Variants in ABHD3 observed in about 807,000 individuals in gnomAD.
ABHD3 encodes the protein phospholipase ABHD3.
Under a neutral mutation model 48.8 loss-of-function variants are expected in ABHD3, and 46 were observed. The ratio of observed to expected loss-of-function variants is 0.94; its 90% confidence interval spans 0.74 to 1.20. The LOEUF is 1.20. Ranked by LOEUF, ABHD3 falls within the 50% of genes most tolerant of loss-of-function variation. The pLI, the probability that ABHD3 is intolerant of heterozygous loss-of-function variation, is 0.00. For synonymous variants in ABHD3, 192 were observed against 183.7 expected (o/e 1.04, Z -0.36); for missense variants, 490 against 497.8 (o/e 0.98, Z 0.15).
chr18:21,674,021 G>GT (rs1463030372), intron 4 of ABHD3, among the ~76,000 whole-genome samples: 2 of 152,244 alleles, frequency 1.3e-5, no homozygotes, highest in Non-Finnish European at 2.9e-5. Flanking sequence ...TGCTGCAGTG[G>GT]TAAGAATGGT....
intron 1 of ABHD3, chr18:21,703,963 T>C (rs2146345094): frequency 1.8e-6 from 1 of 550,232 alleles, no homozygotes. Flanking sequence ...AGGGAGTTTG[T>C]TTGTTTTTAA....
At chr18:21,670,396 C>T (rs1046686155) in intron 4 of ABHD3, among the ~76,000 whole-genome samples, 16 of 152,154 alleles carry the variant, frequency 1.1e-4, no homozygotes, top group Non-Finnish European at 2.1e-4. Context: ...CATAATCCTA[C>T]ATCATTAATC....
chr18:21,666,111 T>C (rs1321867406), intron 4 of ABHD3, among the ~76,000 whole-genome samples: 1 of 152,088 alleles, frequency 6.6e-6, no homozygotes, highest in Non-Finnish European at 1.5e-5. Context: ...AGCTCACTAG[T>C]ACCCCTCTGC....
At chr18:21,699,043 C>T (rs993626719) in intron 3 of ABHD3, among the ~76,000 whole-genome samples, 2 of 151,926 alleles carry the variant, frequency 1.3e-5, no homozygotes, top group African/African-American at 4.8e-5. Flanking sequence ...AAGCGATTCT[C>T]GTGTCTTAAG....
Position 21,651,510 on chromosome 18 carries a change from T to C in ABHD3, c.*81A>G. 2 of 1,548,196 alleles carry C rather than the reference T, an allele frequency of 1.3e-6. No homozygotes were observed. Among genetic ancestry groups the C allele is most frequent in the African/African-American group, 1.4e-5 (1 of 73,374 alleles). ...CATCTGCTGGCTTATTTGCTTTATA[T>C]ACAACAGTTAAAATTTGTGCACTAA... On this transcript the variant is annotated 3_prime_UTR_variant, in exon 9 of 9. Coordinates refer to ENST00000289119, the MANE Select transcript of ABHD3 (RefSeq NM_138340.5).
Position 21,668,533 on chromosome 18 carries a change from T to C in ABHD3, c.556-4303A>G, listed in dbSNP as rs554348968. ...CAGAATCTTTGTGTCAAAAGGACCA[T>C]AGATGTCACTTGGTTCCTTATTTAC... On this transcript the variant is annotated intron_variant, in intron 4 of 8. Coordinates refer to ENST00000289119, the MANE Select transcript of ABHD3 (RefSeq NM_138340.5). Among the ~76,000 whole-genome samples, 6 of 152,232 alleles carry C rather than the reference T, an allele frequency of 3.9e-5. No homozygotes were observed. The South Asian group carries it at 1.2e-3, about 32-fold the overall frequency.
At chr18:21,678,245 G>A (rs1482439711) in intron 4 of ABHD3, among the ~76,000 whole-genome samples, 1 of 152,190 alleles carries the variant, frequency 6.6e-6, no homozygotes, top group Non-Finnish European at 1.5e-5. Context: ...ATGAGCTACT[G>A]TGCCTGGCTC....
At chr18:21,683,448 GAA>G in intron 4 of ABHD3, 1 of 400,438 alleles carries the variant, frequency 2.5e-6, no homozygotes, top group Non-Finnish European at 5.2e-6. Context: ...TTCATAAGTG[GAA>G]AAAAAATCAC....
intron 4 of ABHD3, among the ~76,000 whole-genome samples, chr18:21,666,482 G>A (rs565329354): frequency 6.6e-6 from 1 of 151,724 alleles, no homozygotes; most frequent in East Asian, 1.9e-4. Flanking sequence ...GTGAGCCACC[G>A]TGCCCGGCCT....
intron 4 of ABHD3, among the ~76,000 whole-genome samples, chr18:21,676,667 C>T (rs911104836): frequency 6.6e-6 from 1 of 152,182 alleles, no homozygotes; most frequent in Non-Finnish European, 1.5e-5. Context: ...CTGGGATTAC[C>T]CGCATAAGCC....
chr18:21,665,285 G>A (rs2039595965), intron 4 of ABHD3, among the ~76,000 whole-genome samples: 2 of 151,976 alleles, frequency 1.3e-5, no homozygotes, highest in African/African-American at 4.8e-5. Flanking sequence ...TCTGTTTCTA[G>A]GCTGGAGTGC....
intron 4 of ABHD3, among the ~76,000 whole-genome samples, chr18:21,668,242 ATCT>A (rs2039683316): frequency 6.6e-6 from 1 of 151,088 alleles, no homozygotes; most frequent in African/African-American, 2.4e-5. Context: ...AAAAGAAAAT[ATCT>A]TCTACTATGC....
intron 4 of ABHD3, among the ~76,000 whole-genome samples, chr18:21,669,918 G>A (rs1301942533): frequency 6.6e-6 from 1 of 152,072 alleles, no homozygotes; most frequent in Non-Finnish European, 1.5e-5. Context: ...AGTTCATATG[G>A]AAGGCGACAC....
intron 3 of ABHD3, among the ~76,000 whole-genome samples, chr18:21,700,264 G>C (rs1253941131): frequency 6.6e-6 from 1 of 150,884 alleles, no homozygotes; most frequent in Non-Finnish European, 1.5e-5. Context: ...TAATTTTTTT[G>C]TATTTTTAGT....
chr18:21,687,828 T>C (rs2040161964), intron 3 of ABHD3, among the ~76,000 whole-genome samples: 1 of 152,220 alleles, frequency 6.6e-6, no homozygotes, highest in Non-Finnish European at 1.5e-5. Context: ...TTTAGTACTA[T>C]GGACATTTCA....
At position 21,703,841 on chromosome 18, in the gene ABHD3, G is replaced by C; in HGVS notation, c.163-94C>G. On this transcript the variant is annotated intron_variant, in intron 1 of 8. Coordinates refer to ENST00000289119, the MANE Select transcript of ABHD3 (RefSeq NM_138340.5). ...GCAAAGACTTGTCGCTCGCGCGCGC[G>C]CTTCCTCCGATTACAACTCTTTCTG... The C allele has an allele frequency of 3.6e-6, 5 of 1,387,336 alleles. No individual in the cohort carries two copies. The South Asian group carries it at 6.5e-5, about 18-fold the overall frequency. 85.9% of individuals were successfully genotyped at this position (1,387,336 alleles called of 1,614,324 possible).
At chr18:21,657,831 C>T (rs2039393763) in intron 6 of ABHD3, among the ~76,000 whole-genome samples, 1 of 151,808 alleles carries the variant, frequency 6.6e-6, no homozygotes, top group African/African-American at 2.4e-5. Flanking sequence ...TCTCATGTAC[C>T]TCATAAATAT....
intron 3 of ABHD3, among the ~76,000 whole-genome samples, chr18:21,694,155 C>T (rs1452424341): frequency 1.3e-5 from 2 of 152,124 alleles, no homozygotes; most frequent in Non-Finnish European, 2.9e-5. Flanking sequence ...GTCACCCAGG[C>T]TGTAGTGCAG....
chr18:21,689,847 C>A (rs895699419), intron 3 of ABHD3, among the ~76,000 whole-genome samples: 2 of 152,016 alleles, frequency 1.3e-5, no homozygotes, highest in African/African-American at 4.8e-5. Context: ...TTGAGTGCAG[C>A]CAAGTTAACT....
Sources: gnomAD v4.1 joint callset for allele counts (sites outside exome capture counted in the v4.1 genomes callset) on GRCh38, gnomAD v4.1.1 for gene constraint, MANE v1.5 for transcripts, NCBI Gene and HGNC (gene_info 2026-07-23, HGNC 2026-07-21) for gene names.